VPS13D: variants seen among roughly 807,000 people sequenced by gnomAD.
VPS13D encodes vacuolar protein sorting 13 homolog D, also known as intermembrane lipid transfer protein VPS13D.
In VPS13D, 187 loss-of-function variants were observed where a neutral mutation model predicts 461.9. The observed-to-expected ratio is 0.40, with a 90% CI of 0.36 to 0.46. The LOEUF (loss-of-function observed/expected upper bound fraction) is 0.46, where lower values mean the gene tolerates loss of function less well. VPS13D is among the 20% of genes least tolerant of loss of function. The pLI, the probability that VPS13D is intolerant of heterozygous loss-of-function variation, is 0.60. For missense variants in VPS13D, 4,711 were observed against 5,364.9 expected, an observed-to-expected ratio of 0.88 and a Z score of 3.81; for synonymous variants, 1,951 against 1,986.3, an observed-to-expected ratio of 0.98 and a Z score of 0.47.
At chr1:12,345,156 T>C in intron 42 of VPS13D, 2 of 482,406 alleles carry the variant, frequency 4.1e-6, no homozygotes, top group Non-Finnish European at 7.4e-6. Flanking sequence ...AATGCCACTC[T>C]TACTCAGTCA....
At chr1:12,319,694 GA>G (rs1642983570) in intron 32 of VPS13D, 64 bp downstream of exon 32, 1 of 1,607,044 alleles carries the variant, frequency 6.2e-7, no homozygotes, top group Admixed American at 1.7e-5. Flanking sequence ...ATCTGGAAGA[GA>G]ATTTTCCCTC....
intron 66 of VPS13D, among the ~76,000 whole-genome samples, chr1:12,456,556 C>G (rs1159654397): frequency 6.8e-6 from 1 of 146,776 alleles, no homozygotes; most frequent in African/African-American, 2.5e-5. Flanking sequence ...GAGAATTGCT[C>G]GAACCCTGGA....
rs761029552 is a variant in VPS13D, at chr1:12,348,976, A to G, written c.9220+3A>G. 6.2e-7 allele frequency: 1 copy of G among 1,614,178 alleles called. No individual in the cohort carries two copies. Among genetic ancestry groups the G allele is most frequent in the South Asian group, 1.1e-5 (1 of 91,084 alleles). Reference sequence around the variant, plus strand: ...GGATAGCCCATCAGCTCCAGACAGTATGTTTTGATTGTCTAGCATATAGTA... The same window carrying G: ...GGATAGCCCATCAGCTCCAGACAGTGTGTTTTGATTGTCTAGCATATAGTA... On this transcript the variant is annotated splice_donor_region_variant and intron_variant, in intron 45 of 69. Coordinates refer to ENST00000620676, the MANE Select transcript of VPS13D (RefSeq NM_015378.4).
intron 26 of VPS13D, among the ~76,000 whole-genome samples, chr1:12,306,892 C>A (rs1483940995): frequency 6.6e-6 from 1 of 152,192 alleles, no homozygotes; most frequent in Non-Finnish European, 1.5e-5. Context: ...CAATGAAAAT[C>A]TAATCCCACC....
In VPS13D at chr1:12,383,128, C is replaced by G. The variant is rs554299513; in HGVS notation, c.11343C>G (p.Ile3781Met). 10 of 1,613,864 alleles carry G rather than the reference C, an allele frequency of 6.2e-6. No individual in the cohort carries two copies. The South Asian group carries it at 9.9e-5, about 16-fold the overall frequency. The stretch of plus-strand genomic sequence containing the variant: ...CTGGAATGTTATCCATCAGAGTCAT[C>G]CCAGATGGACCAACTAGAGCACTCC... Reference protein sequence around the residue: ...PGSGMLSIRVIPDGPTRALQI... With the variant: ...PGSGMLSIRVMPDGPTRALQI... The change falls in exon 58 of 70, where the codon ATC becomes ATG. Residue 3781 changes from isoleucine to methionine, a missense_variant. Around this residue, in one of 3 missense-constraint regions of VPS13D, gnomAD observed 4,411 missense variants for 4,937.8 expected, o/e 0.89. Transcript: ENST00000620676.
chr1:12,381,023 T>A (rs1286844001), intron 57 of VPS13D, among the ~76,000 whole-genome samples: 3 of 152,242 alleles, frequency 2.0e-5, no homozygotes. Context: ...CCAATGCTCT[T>A]GGAGCATTTT....
intron 27 of VPS13D, among the ~76,000 whole-genome samples, chr1:12,309,810 T>C (rs1239573213): frequency 1.3e-5 from 2 of 151,698 alleles, no homozygotes; most frequent in African/African-American, 4.8e-5. Context: ...ATTATTTGTA[T>C]AGAGCATGAT....
In VPS13D at chr1:12,506,872, A is replaced by C; in HGVS notation, c.12814A>C (p.Ile4272Leu). The change falls in exon 69 of 70, where the codon ATT becomes CTT. Residue 4272 changes from isoleucine (I) to leucine (L), a missense_variant. Ile to Leu is a conservative substitution (Grantham distance 5). Around this residue, in one of 3 missense-constraint regions of VPS13D, gnomAD observed 194 missense variants for 220.9 expected, o/e 0.88. Transcript: ENST00000620676. ...QDEFFIAVEN[I>L]DSYCVLISSK... is the part of the protein sequence containing the mutation. Reference sequence around the variant, plus strand: ...TTGCAGCTTCATCGCTGTGGAGAACATTGACAGCTACTGCGTGCTCATCTC... The same window carrying C: ...TTGCAGCTTCATCGCTGTGGAGAACCTTGACAGCTACTGCGTGCTCATCTC... 1 of 1,614,248 alleles carries C rather than the reference A, an allele frequency of 6.2e-7. No homozygotes were observed. The highest frequency in any genetic ancestry group is 8.5e-7 in the Non-Finnish European group (1 of 1,180,028).
At chr1:12,497,675 T>G (rs1421125314) in intron 68 of VPS13D, 44 bp downstream of exon 68, 1 of 1,579,892 alleles carries the variant, frequency 6.3e-7, no homozygotes, top group Non-Finnish European at 8.6e-7. Context: ...TCTACTGAGT[T>G]GCCTCTTCTT....
intron 67 of VPS13D, among the ~76,000 whole-genome samples, chr1:12,491,450 A>G (rs1645880303): frequency 6.6e-6 from 1 of 152,250 alleles, no homozygotes; most frequent in African/African-American, 2.4e-5. Flanking sequence ...AGCTACGAAT[A>G]ATTAATGCCT....
intron 20 of VPS13D, among the ~76,000 whole-genome samples, chr1:12,282,274 T>C (rs1641808640): frequency 6.6e-6 from 1 of 152,208 alleles, no homozygotes; most frequent in African/African-American, 2.4e-5. Context: ...ATCATTTTTA[T>C]CTAAAAAGTA....
At chr1:12,281,752 A>T (rs1013694516) in intron 20 of VPS13D, among the ~76,000 whole-genome samples, 6 of 152,228 alleles carry the variant, frequency 3.9e-5, no homozygotes, top group African/African-American at 1.4e-4. Context: ...TCCACTAATG[A>T]ACTTCGATGG....
intron 41 of VPS13D, 43 bp from the exon 42 acceptor site, chr1:12,342,856 G>A (rs142646979): frequency 2.3e-5 from 36 of 1,572,882 alleles, no homozygotes; most frequent in Non-Finnish European, 2.7e-5. Flanking sequence ...GAGGGAGCTG[G>A]GAAGAAACAG....
At chr1:12,294,580 C>T (rs191649463) in intron 24 of VPS13D, among the ~76,000 whole-genome samples, 69 of 152,000 alleles carry the variant, frequency 4.5e-4, no homozygotes, top group Non-Finnish European at 8.1e-4. Context: ...TTTGGGAGGC[C>T]GAGGCGGGCA....
intron 26 of VPS13D, 29 bp downstream of exon 26, chr1:12,304,757 T>C: frequency 1.2e-6 from 2 of 1,608,886 alleles, no homozygotes; most frequent in Non-Finnish European, 1.7e-6. Context: ...AACATAATAC[T>C]GAAGGTGGGG....
rs879916438 is a variant in VPS13D at position 12,416,767 on chromosome 1, T to C, written c.12273T>C (p.Tyr4091=). ...VSEGVTGLIK[Y]GNVGGLIRNV... is the part of the protein sequence containing the mutation. ...AAGGGGTTACTGGACTGATAAAATA[T>C]GGAAATGTCGGGGGCCTCATCAGAA... Residue 4091 remains tyrosine, a synonymous_variant, in exon 65 of 70, where the codon TAT becomes TAC. Transcript: ENST00000620676. 1.9e-5 allele frequency: 31 copies of C among 1,613,958 alleles called. No homozygotes were observed. Among genetic ancestry groups the C allele is most frequent in the Non-Finnish European group, 2.5e-5 (29 of 1,180,002 alleles).
At chr1:12,453,031 G>A (rs1355248488) in intron 65 of VPS13D, among the ~76,000 whole-genome samples, 1 of 152,198 alleles carries the variant, frequency 6.6e-6, no homozygotes, top group African/African-American at 2.4e-5. Flanking sequence ...TCCAGCATTA[G>A]AGGGAAGAGT....
intron 67 of VPS13D, among the ~76,000 whole-genome samples, chr1:12,482,732 A>ATATACACTAGTATACATATATG: frequency 2.1e-5 from 3 of 141,266 alleles, no homozygotes; most frequent in African/African-American, 7.9e-5. Context: ...ATATATGTGT[A>ATATACACTAGTATACATATATG]TATACACTAG....
chr1:12,293,782 T>A, intron 24 of VPS13D, 78 bp downstream of exon 24: 10 of 1,355,748 alleles, frequency 7.4e-6, no homozygotes, highest in East Asian at 2.4e-5. Context: ...GAGATGAATC[T>A]GGAAGAGTAA....
Sources: gnomAD v4.1 joint callset for allele counts (sites outside exome capture counted in the v4.1 genomes callset) on GRCh38, gnomAD v4.1.1 for gene constraint, gnomAD v4.1.1 regional missense constraint, MANE v1.5 for transcripts, NCBI Gene and HGNC (gene_info 2026-07-23, HGNC 2026-07-21) for gene names.